The following KCNB2 variants were observed in gnomAD, a reference collection of about 807,000 sequenced individuals.
KCNB2 encodes delayed rectifier potassium channel protein.
Under a neutral mutation model 61.5 loss-of-function variants are expected in KCNB2, and 15 were observed. The observed-to-expected ratio is 0.24, with a 90% CI of 0.16 to 0.38. KCNB2 has a LOEUF of 0.38. KCNB2 is among the 10% of genes least tolerant of loss of function. The pLI is 1.00. For missense variants in KCNB2, 828 were observed against 1,125.2 expected, an observed-to-expected ratio of 0.74 and a Z score of 3.78; for synonymous variants, 457 against 446.0, an observed-to-expected ratio of 1.02 and a Z score of -0.31.
intron 2 of KCNB2, among the ~76,000 whole-genome samples, chr8:72,600,144 G>A (rs1205889613): frequency 1.3e-5 from 2 of 152,112 alleles, no homozygotes; most frequent in African/African-American, 2.4e-5. Context: ...ACATGCACAC[G>A]TATGTTTATT....
intron 2 of KCNB2, chr8:72,618,903 G>A (rs1231512715): frequency 3.5e-5 from 11 of 311,792 alleles, no homozygotes; most frequent in South Asian, 2.8e-4. Flanking sequence ...CTCTGATACC[G>A]CTACTAGGGA....
chr8:72,888,643 A>G (rs1250646960), intron 2 of KCNB2, among the ~76,000 whole-genome samples: 1 of 152,200 alleles, frequency 6.6e-6, no homozygotes, highest in Non-Finnish European at 1.5e-5. Flanking sequence ...GTACTTTGCC[A>G]TCATTAAAGC....
At chr8:72,813,854 TTTC>T (rs760714204) in intron 2 of KCNB2, among the ~76,000 whole-genome samples, 93 of 152,326 alleles carry the variant, frequency 6.1e-4, no homozygotes, top group African/African-American at 1.4e-3. Flanking sequence ...TGCATGCTTT[TTTC>T]TTCTTCTTTT....
At chr8:72,805,674 T>A (rs1277383364) in intron 2 of KCNB2, among the ~76,000 whole-genome samples, 3 of 152,184 alleles carry the variant, frequency 2.0e-5, no homozygotes, top group African/African-American at 7.2e-5. Context: ...ACCCCTAAAC[T>A]CATTTTCAGT....
intron 2 of KCNB2, among the ~76,000 whole-genome samples, chr8:72,803,324 A>G (rs1433815168): frequency 6.6e-6 from 1 of 152,136 alleles, no homozygotes; most frequent in Non-Finnish European, 1.5e-5. Flanking sequence ...TCCACTCCAG[A>G]ATGGTTTCAG....
rs1431663 is a variant in KCNB2 at position 72,548,453 on chromosome 8, A to G, written c.-94+10568A>G. On this transcript the variant is annotated intron_variant, in intron 1 of 2. Transcript: ENST00000523207. ...TTCCTTCTTTGGACCCTGGTTTGCT[A>G]TCTTGGAAGAAATTCTTTGTTCTTT... Among the ~76,000 whole-genome samples the G allele has an allele frequency of 5.3e-5, 8 of 152,108 alleles. No individual in the cohort carries two copies. In the South Asian group the frequency reaches 1.5e-3, roughly 28 times the overall value.
At chr8:72,707,028 G>C (rs146597079) in intron 2 of KCNB2, among the ~76,000 whole-genome samples, 1,570 of 152,264 alleles carry the variant, frequency 0.01, 24 homozygotes, top group African/African-American at 0.037. Context: ...ATATTACCTT[G>C]TAAAAGTTGG....
At chr8:72,863,315 G>A (rs1224930758) in intron 2 of KCNB2, among the ~76,000 whole-genome samples, 1 of 152,100 alleles carries the variant, frequency 6.6e-6, no homozygotes, top group African/African-American at 2.4e-5. Flanking sequence ...ACACTATTAA[G>A]AAAGCATTTA....
intron 2 of KCNB2, among the ~76,000 whole-genome samples, chr8:72,604,535 T>C (rs1422100101): frequency 6.6e-6 from 1 of 152,188 alleles, no homozygotes; most frequent in Non-Finnish European, 1.5e-5. Context: ...AGTATTCTTA[T>C]GGAAATTAAA....
chr8:72,713,232 G>A (rs1160486226), intron 2 of KCNB2, among the ~76,000 whole-genome samples: 1 of 152,210 alleles, frequency 6.6e-6, no homozygotes, highest in South Asian at 2.1e-4. Flanking sequence ...CCACCTCTGG[G>A]GGCAGGGCAC....
chr8:72,646,055 G>C (rs927178142), intron 2 of KCNB2, among the ~76,000 whole-genome samples: 1 of 152,068 alleles, frequency 6.6e-6, no homozygotes, highest in Non-Finnish European at 1.5e-5. Flanking sequence ...GATTCACCAT[G>C]TTGAGTTGGG....
At chr8:72,838,390 GC>G (rs1275333492) in intron 2 of KCNB2, among the ~76,000 whole-genome samples, 5 of 152,130 alleles carry the variant, frequency 3.3e-5, no homozygotes, top group Non-Finnish European at 5.9e-5. Flanking sequence ...GTGATAGTTT[GC>G]TGAGAATGAT....
At chr8:72,898,227 G>A (rs929839101) in intron 2 of KCNB2, among the ~76,000 whole-genome samples, 2 of 151,800 alleles carry the variant, frequency 1.3e-5, no homozygotes, top group African/African-American at 2.4e-5. Context: ...CTGACCATAG[G>A]TGGGAATTGA....
At chr8:72,647,093 C>T (rs1339479285) in intron 2 of KCNB2, among the ~76,000 whole-genome samples, 3 of 152,088 alleles carry the variant, frequency 2.0e-5, no homozygotes, top group African/African-American at 2.4e-5. Context: ...TCTGCAGCAG[C>T]GAGGTTGGCA....
At chr8:72,818,394 AAAG>A (rs1027047974) in intron 2 of KCNB2, among the ~76,000 whole-genome samples, 18 of 152,326 alleles carry the variant, frequency 1.2e-4, no homozygotes, top group African/African-American at 4.3e-4. Context: ...AATAGGCAGC[AAAG>A]AAGACCAATA....
chr8:72,561,763 A>ATATATATATATATATATATATG, intron 1 of KCNB2, among the ~76,000 whole-genome samples: 1 of 6,180 alleles, frequency 1.6e-4, no homozygotes, highest in South Asian at 3.1e-3. Context: ...ATATATATGG[A>ATATATATATATATATATATATG]TATATATATA....
At chr8:72,871,600 C>A (rs987512821) in intron 2 of KCNB2, among the ~76,000 whole-genome samples, 1 of 152,232 alleles carries the variant, frequency 6.6e-6, no homozygotes, top group African/African-American at 2.4e-5. Context: ...CAGGTACTTA[C>A]AAATTGAACT....
chr8:72,887,884 G>A (rs1805832086), intron 2 of KCNB2, among the ~76,000 whole-genome samples: 1 of 152,170 alleles, frequency 6.6e-6, no homozygotes, highest in East Asian at 1.9e-4. Context: ...CTGATGGTGT[G>A]AACACACCAT....
At chr8:72,636,277 G>A (rs1413383670) in intron 2 of KCNB2, among the ~76,000 whole-genome samples, 2 of 152,070 alleles carry the variant, frequency 1.3e-5, no homozygotes, top group African/African-American at 2.4e-5. Context: ...GCAATAAATC[G>A]TCGCTCAGGG....
Sources: allele counts gnomAD v4.1 joint callset (sites outside exome capture counted in the v4.1 genomes callset), GRCh38; gene constraint gnomAD v4.1.1; transcripts MANE v1.5; gene names NCBI Gene and HGNC (gene_info 2026-07-23, HGNC 2026-07-21).